The following CACNA1B variants were observed in gnomAD, a reference collection of about 807,000 sequenced individuals.
CACNA1B encodes the protein voltage-dependent N-type calcium channel subunit alpha-1B.
In CACNA1B, 70 loss-of-function variants were observed where a neutral mutation model predicts 247.2. The ratio of observed to expected loss-of-function variants is 0.28; its 90% confidence interval spans 0.23 to 0.35. The LOEUF is 0.35. CACNA1B is among the 10% of genes least tolerant of loss of function. CACNA1B has a pLI of 1.00. For missense variants in CACNA1B, 2,367 were observed against 3,197.4 expected, an observed-to-expected ratio of 0.74 and a Z score of 6.26; for synonymous variants, 1,231 against 1,294.4, an observed-to-expected ratio of 0.95 and a Z score of 1.05.
intron 31 of CACNA1B, among the ~76,000 whole-genome samples, chr9:138,068,218 C>T (rs1385444935): frequency 6.6e-6 from 1 of 152,060 alleles, no homozygotes; most frequent in African/African-American, 2.4e-5. Context: ...CCATGATTAA[C>T]AAGAAGGGAA....
At chr9:138,083,974 C>T (rs1000332131) in intron 36 of CACNA1B, among the ~76,000 whole-genome samples, 2 of 150,974 alleles carry the variant, frequency 1.3e-5, no homozygotes, top group Non-Finnish European at 2.9e-5. Flanking sequence ...GTTCAGGTTC[C>T]TGAATTGCAG....
intron 10 of CACNA1B, among the ~76,000 whole-genome samples, chr9:137,966,373 T>C (rs1218354940): frequency 6.6e-6 from 1 of 150,838 alleles, no homozygotes; most frequent in Non-Finnish European, 1.5e-5. Flanking sequence ...TACAGGCACC[T>C]ACCACCAGGC....
intron 31 of CACNA1B, among the ~76,000 whole-genome samples, chr9:138,069,125 G>GA (rs1960032743): frequency 6.6e-6 from 1 of 152,240 alleles, no homozygotes; most frequent in Non-Finnish European, 1.5e-5. Context: ...GCCTGGAGGA[G>GA]AAAAGATGAA....
chr9:137,957,797 C>T lies in CACNA1B; in HGVS notation c.1333+110C>T, dbSNP rs543135017. On this transcript the variant is annotated intron_variant, in intron 10 of 46. Transcript: ENST00000371372. This position sits in a 1 kb window ranked among gnomAD's most constrained non-coding sequence, Gnocchi z 4.7. The stretch of plus-strand genomic sequence containing the variant: ...TGTTGGACGCCCCTTCTTGCCCAAA[C>T]GCCTGCAGGCTCCTTTCAGACAGTT... 2.2e-4 allele frequency: 145 copies of T among 667,374 alleles called. No individual in the cohort carries two copies. The highest frequency in any genetic ancestry group is 6.6e-4 in the Middle Eastern group (2 of 3,030). The allele number at this position is 667,374 out of a possible 1,614,324, so 41.3% of individuals were successfully genotyped here. A position where few individuals can be genotyped will look rare whatever the true frequency, so the allele number is the denominator to read the frequency against.
At chr9:138,083,189 C>G (rs1960583622) in intron 36 of CACNA1B, among the ~76,000 whole-genome samples, 1 of 151,142 alleles carries the variant, frequency 6.6e-6, no homozygotes, top group Admixed American at 6.6e-5. Flanking sequence ...GTTCCACTAC[C>G]TAGGAGTTGG....
chr9:138,061,453 C>G (rs1959719058), intron 31 of CACNA1B, among the ~76,000 whole-genome samples: 2 of 152,174 alleles, frequency 1.3e-5, no homozygotes, highest in African/African-American at 4.8e-5. Context: ...ATTGGGCACC[C>G]AGTACCATCG....
chr9:138,114,453 G>T lies in CACNA1B; in HGVS notation c.5612G>T (p.Arg1871Ile). 6.3e-7 allele frequency: 1 copy of T among 1,588,988 alleles called. No individual in the cohort carries two copies. Among genetic ancestry groups the T allele is most frequent in the Admixed American group, 1.8e-5 (1 of 56,190 alleles). The change falls in exon 41 of 47, where the codon AGA becomes ATA. Residue 1871 changes from arginine to isoleucine, a missense_variant. Physicochemically the swap from Arg to Ile is moderately conservative, Grantham distance 97. Around this residue, in one of 12 missense-constraint regions of CACNA1B, gnomAD observed 773 missense variants for 779.4 expected, o/e 0.99. Coordinates refer to ENST00000371372, the MANE Select transcript of CACNA1B (RefSeq NM_000718.4). ...TTCTACAAGCAGAACAAAACCACCA[G>T]AGACCAGATGCAGCAGGCTCCTGGA... ...FDFYKQNKTT[R>I]DQMQQAPGGL...
Position 137,919,594 on chromosome 9 carries a change from C to A in CACNA1B, c.966+2163C>A, listed in dbSNP as rs573869045. Among the ~76,000 whole-genome samples, 1 of 152,202 alleles carries A rather than the reference C, an allele frequency of 6.6e-6. No homozygotes were observed. The highest frequency in any genetic ancestry group is 2.4e-5 in the African/African-American group (1 of 41,446). ...GGATCCTTTGGAGAGAGCGAGAGCCCGCCCCTCACCTCCAACCCAGTGAGA... is the reference window on the plus strand; with the variant it reads ...GGATCCTTTGGAGAGAGCGAGAGCCAGCCCCTCACCTCCAACCCAGTGAGA... On this transcript the variant is annotated intron_variant, in intron 6 of 46. Transcript: ENST00000371372. This position sits in a 1 kb window ranked among gnomAD's most constrained non-coding sequence, Gnocchi z 4.6.
At chr9:137,992,763 C>A (rs1190130624) in intron 15 of CACNA1B, among the ~76,000 whole-genome samples, 1 of 150,680 alleles carries the variant, frequency 6.6e-6, no homozygotes, top group Non-Finnish European at 1.5e-5. Flanking sequence ...GGCCACTGCA[C>A]TCCAGCCTGG....
At chr9:138,045,568 G>A (rs1004128916) in intron 21 of CACNA1B, among the ~76,000 whole-genome samples, 6 of 152,304 alleles carry the variant, frequency 3.9e-5, no homozygotes, top group South Asian at 2.1e-4. Flanking sequence ...AAGGCACTGC[G>A]TTCACTGAGA....
chr9:138,014,745 G>A lies in CACNA1B; in HGVS notation c.2267+1510G>A, dbSNP rs1356071601. Among the ~76,000 whole-genome samples the A allele has an allele frequency of 6.6e-6, 1 of 151,882 alleles. No homozygotes were observed. The highest frequency in any genetic ancestry group is 2.4e-5 in the African/African-American group (1 of 41,354). On this transcript the variant is annotated intron_variant, in intron 18 of 46. Coordinates refer to ENST00000371372, the MANE Select transcript of CACNA1B (RefSeq NM_000718.4). The surrounding 1 kb of genome is among the most constrained non-coding windows in gnomAD (Gnocchi z 6.2). ...TGCCTTCTCTGCTGTTCCTGGAGGCGAGCACTTGTCCCTTGACCCCTGCTG... is the reference window on the plus strand; with the variant it reads ...TGCCTTCTCTGCTGTTCCTGGAGGCAAGCACTTGTCCCTTGACCCCTGCTG...
chr9:137,921,925 T>C (rs1426600225), intron 6 of CACNA1B, among the ~76,000 whole-genome samples: 5 of 125,294 alleles, frequency 4.0e-5, no homozygotes, highest in Admixed American at 8.0e-5. Flanking sequence ...TCGGAGAACA[T>C]GGTCAGCACC....
chr9:137,915,396 G>T (rs1391941343), intron 5 of CACNA1B, among the ~76,000 whole-genome samples: 1 of 152,174 alleles, frequency 6.6e-6, no homozygotes, highest in Non-Finnish European at 1.5e-5. Flanking sequence ...TGTGATAGAG[G>T]TGGTTAAAAT....
chr9:138,074,682 C>T (rs1225666797), intron 34 of CACNA1B, among the ~76,000 whole-genome samples: 2 of 152,240 alleles, frequency 1.3e-5, no homozygotes, highest in South Asian at 2.1e-4. Flanking sequence ...GTGGATGCAC[C>T]GTGGTGTTCT....
At chr9:138,027,837 A>AT (rs1197527462) in intron 20 of CACNA1B, among the ~76,000 whole-genome samples, 4 of 151,988 alleles carry the variant, frequency 2.6e-5, no homozygotes, top group African/African-American at 9.7e-5. Context: ...TCTCTTTAAC[A>AT]TTTTTTGTAG....
chr9:138,070,899 C>T (rs545891637), intron 32 of CACNA1B, among the ~76,000 whole-genome samples: 1 of 152,382 alleles, frequency 6.6e-6, no homozygotes, highest in African/African-American at 2.4e-5. Context: ...TTTTTCTGCA[C>T]CTGCTGGGCC....
intron 3 of CACNA1B, among the ~76,000 whole-genome samples, chr9:137,896,038 G>T (rs1957168349): frequency 6.6e-6 from 1 of 152,130 alleles, no homozygotes; most frequent in African/African-American, 2.4e-5. Context: ...AGGAGATCGA[G>T]ACCATCCTGG....
chr9:137,986,910 G>A lies in CACNA1B; in HGVS notation c.1974+56G>A. Reference sequence around the variant, plus strand: ...TGCCCGGCTCCCGTCTCCCCTGGGTGCTGGGAAGGCGGACTCTCCTGTCAT... The same window carrying A: ...TGCCCGGCTCCCGTCTCCCCTGGGTACTGGGAAGGCGGACTCTCCTGTCAT... On this transcript the variant is annotated intron_variant, in intron 15 of 46. Transcript: ENST00000371372. This position sits in a 1 kb window ranked among gnomAD's most constrained non-coding sequence, Gnocchi z 6.0. The A allele has an allele frequency of 3.8e-6, 5 of 1,319,504 alleles. No homozygotes were observed. The highest frequency in any genetic ancestry group is 1.7e-5 in the Admixed American group (1 of 59,660). The allele number at this position is 1,319,504 out of a possible 1,614,324, so 81.7% of individuals were successfully genotyped here. A position where few individuals can be genotyped will look rare whatever the true frequency, so the allele number is the denominator to read the frequency against.
intron 6 of CACNA1B, among the ~76,000 whole-genome samples, chr9:137,923,636 CAT>C (rs1325998185): frequency 6.6e-6 from 1 of 152,184 alleles, no homozygotes; most frequent in Non-Finnish European, 1.5e-5. Context: ...TTTGTGCAAA[CAT>C]AAGTTTTCAT....
Sources: gnomAD v4.1 joint callset for allele counts (sites outside exome capture counted in the v4.1 genomes callset) on GRCh38, gnomAD v4.1.1 for gene constraint, gnomAD v4.1.1 regional missense constraint, Gnocchi (gnomAD v3.1) non-coding constraint, MANE v1.5 for transcripts, NCBI Gene and HGNC (gene_info 2026-07-23, HGNC 2026-07-21) for gene names.